The following ZNF215 variants were observed in gnomAD, a reference collection of about 807,000 sequenced individuals.
The protein encoded by ZNF215 is BWSCR2-associated zinc finger protein 2.
In ZNF215, 24 loss-of-function variants were observed where a neutral mutation model predicts 27.2. That is an observed-to-expected ratio of 0.88 (90% confidence interval 0.64 to 1.24). The LOEUF (loss-of-function observed/expected upper bound fraction) is 1.24. Among genes scored for constraint, ZNF215 ranks in the 50% most tolerant of loss-of-function variants. The pLI is 0.00. For missense variants in ZNF215, 675 were observed against 605.7 expected (o/e 1.11, Z -1.20); for synonymous variants, 210 against 204.0 (o/e 1.03, Z -0.25).
At chr11:6,974,953 G>T (rs935389066) in intron 5 of ZNF215, among the ~76,000 whole-genome samples, 1 of 151,666 alleles carries the variant, frequency 6.6e-6, no homozygotes. Flanking sequence ...GTGAGAGAGG[G>T]CATCCCTGTC....
In ZNF215 at chr11:6,956,910, A is replaced by G; in HGVS notation, c.*379A>G. Reference sequence around the variant, plus strand: ...AGGCAAAGCCAAACAATACTCTTGGAGTTGATATTTAATAAAACTCAGCCC... The same window carrying G: ...AGGCAAAGCCAAACAATACTCTTGGGGTTGATATTTAATAAAACTCAGCCC... On this transcript the variant is annotated 3_prime_UTR_variant, in exon 7 of 7. Transcript: ENST00000278319. 1 of 996,278 alleles carries G rather than the reference A, an allele frequency of 1.0e-6. No individual in the cohort carries two copies. The highest frequency in any genetic ancestry group is 1.2e-6 in the Non-Finnish European group (1 of 836,598). The allele number at this position is 996,278 out of a possible 1,614,324, so 61.7% of individuals were successfully genotyped here.
At chr11:6,945,578 G>C (rs1430932485) in intron 6 of ZNF215, among the ~76,000 whole-genome samples, 2 of 152,130 alleles carry the variant, frequency 1.3e-5, no homozygotes, top group African/African-American at 4.8e-5. Flanking sequence ...AGATATTTTT[G>C]AGACATTCCT....
intron 5 of ZNF215, among the ~76,000 whole-genome samples, chr11:6,974,847 A>G (rs546079625): frequency 3.3e-5 from 5 of 152,230 alleles, no homozygotes; most frequent in African/African-American, 1.2e-4. Context: ...AACAGGGACA[A>G]TTTGACTTCC....
chr11:6,971,204 T>C (rs1850712252), intron 5 of ZNF215, among the ~76,000 whole-genome samples: 1 of 152,214 alleles, frequency 6.6e-6, no homozygotes, highest in African/African-American at 2.4e-5. Flanking sequence ...TCTCTTATTC[T>C]TGCCTGAATC....
chr11:6,948,220 T>C lies in ZNF215; in HGVS notation c.712+4579T>C, dbSNP rs556670452. Among the ~76,000 whole-genome samples the C allele has an allele frequency of 3.9e-5, 6 of 152,294 alleles. No individual in the cohort carries two copies. In the East Asian group the frequency reaches 1.2e-3, roughly 29 times the overall value. Reference sequence around the variant, plus strand: ...TTGTGTTCTTCTCCCTTGCAAAATATATTTACTCTCTCATAATAAGACCCC... The same window carrying C: ...TTGTGTTCTTCTCCCTTGCAAAATACATTTACTCTCTCATAATAAGACCCC... On this transcript the variant is annotated intron_variant, in intron 6 of 6. Transcript: ENST00000278319.
intron 3 of ZNF215, among the ~76,000 whole-genome samples, chr11:6,938,321 GGAAAACGA>G: frequency 6.6e-6 from 1 of 151,910 alleles, no homozygotes; most frequent in East Asian, 1.9e-4. Context: ...AATTACAAAA[GGAAAACGA>G]ATAGGGTTAG....
chr11:6,972,016 T>A (rs1850728598), intron 5 of ZNF215, among the ~76,000 whole-genome samples: 2 of 152,110 alleles, frequency 1.3e-5, no homozygotes, highest in African/African-American at 4.8e-5. Flanking sequence ...CTAAAGGAAA[T>A]TTTTTTTCCC....
chr11:6,973,102 T>G (rs1183457497), intron 5 of ZNF215, among the ~76,000 whole-genome samples: 1 of 152,082 alleles, frequency 6.6e-6, no homozygotes, highest in Non-Finnish European at 1.5e-5. Context: ...TGTCTCCAAG[T>G]GTTCTCATTG....
At chr11:6,952,109 T>C (rs1850095075) in intron 6 of ZNF215, among the ~76,000 whole-genome samples, 1 of 152,250 alleles carries the variant, frequency 6.6e-6, no homozygotes, top group Non-Finnish European at 1.5e-5. Context: ...CAGTTTGTTA[T>C]AATTTCTATT....
chr11:6,985,679 T>C (rs1005176297), downstream of ZNF215, among the ~76,000 whole-genome samples: 1 of 152,168 alleles, frequency 6.6e-6, no homozygotes, highest in Admixed American at 6.5e-5. Context: ...ATAAACAATT[T>C]CAGGAAAGTT....
At chr11:6,975,452 A>G (rs911013620) in intron 5 of ZNF215, among the ~76,000 whole-genome samples, 4 of 151,916 alleles carry the variant, frequency 2.6e-5, no homozygotes, top group African/African-American at 7.3e-5. Flanking sequence ...GTGCTATCCA[A>G]TAGTAGGTCA....
chr11:6,978,808 T>C (rs1850884855), intron 5 of ZNF215, among the ~76,000 whole-genome samples: 1 of 151,964 alleles, frequency 6.6e-6, no homozygotes, highest in Non-Finnish European at 1.5e-5. Context: ...TGCTTGAAAA[T>C]GTTCATAATA....
downstream of ZNF215, among the ~76,000 whole-genome samples, chr11:6,958,908 C>T (rs1850458745): frequency 6.6e-6 from 1 of 152,154 alleles, no homozygotes; most frequent in Non-Finnish European, 1.5e-5. Flanking sequence ...TCCAATTTCT[C>T]CTGCCTTTTA....
At chr11:6,936,151 T>C (rs1194488709) in intron 3 of ZNF215, among the ~76,000 whole-genome samples, 1 of 151,706 alleles carries the variant, frequency 6.6e-6, no homozygotes, top group Non-Finnish European at 1.5e-5. Flanking sequence ...AAAATAAATA[T>C]TAGAACAAAG....
intron 3 of ZNF215, 118 bp from the exon 4 acceptor site, chr11:6,941,453 A>G (rs1849628000): frequency 1.2e-6 from 1 of 823,804 alleles, no homozygotes; most frequent in African/African-American, 1.7e-5. Flanking sequence ...GCCTGACATT[A>G]TTTTTTTCAA....
chr11:6,959,831 G>A (rs949046371), downstream of ZNF215, among the ~76,000 whole-genome samples: 4 of 152,164 alleles, frequency 2.6e-5, no homozygotes, highest in Non-Finnish European at 4.4e-5. Flanking sequence ...GTAACATAGT[G>A]TGATACTAGT....
rs939404423 is a variant in ZNF215 at position 6,932,153 on chromosome 11, C to T, written c.-120C>T. 1.4e-5 allele frequency: 18 copies of T among 1,273,476 alleles called. No individual in the cohort carries two copies. The highest frequency in any genetic ancestry group is 2.0e-4 in the Middle Eastern group (1 of 4,940). 78.9% of individuals were successfully genotyped at this position (1,273,476 alleles called of 1,614,324 possible). ...AAGTTTCTGGAACTTTCCTCCTTACCGTGAAATAACTTGGCTTAAATCACA... is the reference window on the plus strand; with the variant it reads ...AAGTTTCTGGAACTTTCCTCCTTACTGTGAAATAACTTGGCTTAAATCACA... On this transcript the variant is annotated 5_prime_UTR_variant, in exon 3 of 7. Coordinates refer to ENST00000278319, the MANE Select transcript of ZNF215 (RefSeq NM_013250.4).
At chr11:6,989,100 G>A (rs1851091002), downstream of ZNF215, among the ~76,000 whole-genome samples, 1 of 134,510 alleles carries the variant, frequency 7.4e-6, no homozygotes, top group South Asian at 2.4e-4. Context: ...AGGTTGCAGT[G>A]AGCCCAGATC....
downstream of ZNF215, among the ~76,000 whole-genome samples, chr11:6,985,017 TGAG>T (rs1851031963): frequency 1.3e-5 from 2 of 152,200 alleles, no homozygotes; most frequent in South Asian, 4.2e-4. Flanking sequence ...TCCAAAAAAT[TGAG>T]GAGGGGGGCT....
Sources: gnomAD v4.1 joint callset for allele counts (sites outside exome capture counted in the v4.1 genomes callset) on GRCh38, gnomAD v4.1.1 for gene constraint, MANE v1.5 for transcripts, NCBI Gene and HGNC (gene_info 2026-07-23, HGNC 2026-07-21) for gene names.